ZNF100: variants seen among roughly 807,000 people sequenced by gnomAD.
The protein encoded by ZNF100 is zinc finger protein 100, also known as zinc finger protein 100 (Y1).
ZNF100 carries 12 observed loss-of-function variants against 15.8 expected under a neutral mutation model. The observed-to-expected ratio is 0.76, with a 90% CI of 0.49 to 1.23. ZNF100 has a LOEUF of 1.23. Among genes scored for constraint, ZNF100 ranks in the 50% most tolerant of loss-of-function variants. ZNF100 has a pLI of 0.00. For synonymous variants in ZNF100, 226 were observed against 214.8 expected, an observed-to-expected ratio of 1.05 and a Z score of -0.45; for missense variants, 670 against 635.6, an observed-to-expected ratio of 1.05 and a Z score of -0.58.
chr19:21,765,204 A>C (rs2145751457), intron 2 of ZNF100, among the ~76,000 whole-genome samples: 1 of 152,348 alleles, frequency 6.6e-6, no homozygotes, highest in East Asian at 1.9e-4. Flanking sequence ...TACAGCTAAA[A>C]AACTGAGGTC....
In ZNF100 at chr19:21,726,566, A is replaced by G. The variant is rs533161708; in HGVS notation, c.*117T>C. 1.5e-5 allele frequency: 14 copies of G among 921,066 alleles called. No homozygotes were observed. The African/African-American group carries it at 2.3e-4, about 15-fold the overall frequency. 57.1% of individuals were successfully genotyped at this position (921,066 alleles called of 1,614,324 possible). A position where few individuals can be genotyped will look rare whatever the true frequency, so the allele number is the denominator to read the frequency against. On this transcript the variant is annotated 3_prime_UTR_variant, in exon 5 of 5. Transcript: ENST00000358296. ...ATGAATTATCTTATGTCTGTTAGGA[A>G]TTGAGAATTTATTAAAGGCTTTGCC...
intron 4 of ZNF100, among the ~76,000 whole-genome samples, chr19:21,728,788 A>C (rs767701876): frequency 4.0e-4 from 61 of 151,976 alleles, no homozygotes; most frequent in Non-Finnish European, 7.7e-4. Flanking sequence ...AATTTTAAAA[A>C]AGAAACTATA....
At chr19:21,735,858 G>A (rs2145700053) in intron 4 of ZNF100, among the ~76,000 whole-genome samples, 1 of 152,198 alleles carries the variant, frequency 6.6e-6, no homozygotes, top group Non-Finnish European at 1.5e-5. Flanking sequence ...GCATGATCTT[G>A]GCTCACTGCA....
intron 4 of ZNF100, among the ~76,000 whole-genome samples, chr19:21,737,929 C>A (rs1419602806): frequency 6.6e-6 from 1 of 152,006 alleles, no homozygotes; most frequent in Non-Finnish European, 1.5e-5. Flanking sequence ...ACAACAACAA[C>A]AAAAACTTAA....
At chr19:21,728,928 CAAA>C (rs764304913) in intron 4 of ZNF100, among the ~76,000 whole-genome samples, 4 of 150,488 alleles carry the variant, frequency 2.7e-5, no homozygotes, top group African/African-American at 9.8e-5. Context: ...TTTAGAATAT[CAAA>C]AAAACAAATT....
Position 21,723,723 on chromosome 19 carries a change from G to A in ZNF100, c.*2960C>T, listed in dbSNP as rs2035722787. 6.6e-6 allele frequency: 1 copy of A among 152,148 alleles called. No homozygotes were observed. The highest frequency in any genetic ancestry group is 1.5e-5 in the Non-Finnish European group (1 of 68,030). The allele number at this position is 152,148 out of a possible 1,614,324, so 9.4% of individuals were successfully genotyped here. On this transcript the variant is annotated 3_prime_UTR_variant, in exon 5 of 5. Coordinates refer to ENST00000358296, the MANE Select transcript of ZNF100 (RefSeq NM_173531.4). ...AGGAATACTTATGGCTTACTATGGA[G>A]CATCTGTTACACAGCAAGAACTGTC...
At chr19:21,748,412 A>G (rs4808296) in intron 2 of ZNF100, among the ~76,000 whole-genome samples, 133,240 of 152,106 alleles carry the variant, frequency 0.88, 58,616 homozygotes, top group Middle Eastern at 0.95. Flanking sequence ...CTGCCACTGG[A>G]GTATTTCCAG....
At chr19:21,766,416 TAAAAAA>T in intron 1 of ZNF100, among the ~76,000 whole-genome samples, 1 of 144,276 alleles carries the variant, frequency 6.9e-6, no homozygotes, top group South Asian at 2.2e-4. Context: ...GGTTCCTACT[TAAAAAA>T]AAAAAAAATC....
intron 4 of ZNF100, among the ~76,000 whole-genome samples, chr19:21,734,806 C>A (rs138881314): frequency 6.6e-6 from 1 of 152,050 alleles, no homozygotes; most frequent in African/African-American, 2.4e-5. Flanking sequence ...GGACAGCCAA[C>A]CGGAAGGCCA....
chr19:21,736,279 A>G (rs10403795), intron 4 of ZNF100, among the ~76,000 whole-genome samples: 129,913 of 152,054 alleles, frequency 0.85, 56,049 homozygotes, highest in Middle Eastern at 0.92. Context: ...ATAGAGACAG[A>G]GTTTCACCAT....
chr19:21,743,397 T>G (rs1394786459), intron 4 of ZNF100, among the ~76,000 whole-genome samples: 1 of 152,212 alleles, frequency 6.6e-6, no homozygotes, highest in African/African-American at 2.4e-5. Flanking sequence ...CAGTGGCATT[T>G]TTTTCCACAG....
In ZNF100 at chr19:21,727,329, C is replaced by G; in HGVS notation, c.983G>C (p.Arg328Pro). Reference protein sequence around the residue: ...KCTECGKAFNRSSHLTTHRII... With the variant: ...KCTECGKAFNPSSHLTTHRII... ...CCTGTGTGTAGTAAGGTGTGAGGAC[C>G]GGTTAAAAGCTTTGCCACATTCTGT... The change falls in exon 5 of 5, where the codon CGG becomes CCG. Residue 328 changes from arginine to proline, a missense_variant. By Grantham distance (103) the Arg-to-Pro change is moderately radical (BLOSUM62 -2). Transcript: ENST00000358296. 1 of 1,611,966 alleles carries G rather than the reference C, an allele frequency of 6.2e-7. No individual in the cohort carries two copies. The highest frequency in any genetic ancestry group is 1.1e-5 in the South Asian group (1 of 91,032).
At chr19:21,731,390 C>T (rs1014113027) in intron 4 of ZNF100, among the ~76,000 whole-genome samples, 3 of 150,946 alleles carry the variant, frequency 2.0e-5, no homozygotes, top group Non-Finnish European at 2.9e-5. Flanking sequence ...CTCACTGCAA[C>T]CTCCGCCTCC....
At position 21,726,554 on chromosome 19, in the gene ZNF100, T is replaced by C; in HGVS notation, c.*129A>G. On this transcript the variant is annotated 3_prime_UTR_variant, in exon 5 of 5. Transcript: ENST00000358296. ...TTTCTCTCTAGTATGAATTATCTTA[T>C]GTCTGTTAGGAATTGAGAATTTATT... 2 of 830,210 alleles carry C rather than the reference T, an allele frequency of 2.4e-6. No individual in the cohort carries two copies. Among genetic ancestry groups the C allele is most frequent in the Non-Finnish European group, 3.7e-6 (2 of 547,324 alleles). The allele number at this position is 830,210 out of a possible 1,614,324, so 51.4% of individuals were successfully genotyped here.
At position 21,726,384 on chromosome 19, in the gene ZNF100, C is replaced by A; in HGVS notation, c.*299G>T. On this transcript the variant is annotated 3_prime_UTR_variant, in exon 5 of 5. Coordinates refer to ENST00000358296, the MANE Select transcript of ZNF100 (RefSeq NM_173531.4). ...CATGTAGAAGTTTTCTCCAGTATAA[C>A]TTACCTTACCTACAATCAAGTGTGA... 1 of 325,966 alleles carries A rather than the reference C, an allele frequency of 3.1e-6. No individual in the cohort carries two copies. The highest frequency in any genetic ancestry group is 5.6e-6 in the Non-Finnish European group (1 of 179,174). 20.2% of individuals were successfully genotyped at this position (325,966 alleles called of 1,614,324 possible).
intron 1 of ZNF100, 80 bp from the exon 2 acceptor site, chr19:21,765,866 C>A: frequency 7.2e-7 from 1 of 1,386,060 alleles, no homozygotes; most frequent in Non-Finnish European, 1.0e-6. Context: ...CTCGGTTTAT[C>A]CACAGATAGT....
intron 2 of ZNF100, among the ~76,000 whole-genome samples, chr19:21,758,193 A>G (rs1345131948): frequency 6.6e-6 from 1 of 152,160 alleles, no homozygotes; most frequent in Non-Finnish European, 1.5e-5. Context: ...TGCAGAACAC[A>G]AAACCAAATG....
At position 21,734,235 on chromosome 19, in the gene ZNF100, G is replaced by A. The variant is rs113930361; in HGVS notation, c.323-6246C>T. The stretch of plus-strand genomic sequence containing the variant: ...TGAGATGGATAAACTGACAGAAGTA[G>A]GCTTCAGAAGGTGGGTAATAATGAA... On this transcript the variant is annotated intron_variant, in intron 4 of 4. Transcript: ENST00000358296. Among the ~76,000 whole-genome samples the A allele has an allele frequency of 2.5e-3, 383 of 152,254 alleles. 1 individual carries two copies. The highest frequency in any genetic ancestry group is 8.6e-3 in the African/African-American group (357 of 41,542).
At chr19:21,762,916 G>C (rs1234771085) in intron 2 of ZNF100, among the ~76,000 whole-genome samples, 3 of 152,104 alleles carry the variant, frequency 2.0e-5, no homozygotes, top group African/African-American at 7.2e-5. Flanking sequence ...GTAAAGAAGT[G>C]AGATAAAACC....
Sources: allele counts gnomAD v4.1 joint callset (sites outside exome capture counted in the v4.1 genomes callset), GRCh38; gene constraint gnomAD v4.1.1; transcripts MANE v1.5; gene names NCBI Gene and HGNC (gene_info 2026-07-23, HGNC 2026-07-21).